FAM168A: variants seen among roughly 807,000 people sequenced by gnomAD.
The protein encoded by FAM168A is family with sequence similarity 168 member A.
In FAM168A, 3 loss-of-function variants were observed where a neutral mutation model predicts 28.5. The observed-to-expected ratio is 0.11, with a 90% CI of 0.05 to 0.27. The LOEUF is 0.27. FAM168A is among the 10% of genes least tolerant of loss of function. The probability of loss-of-function intolerance (pLI) is 1.00; values close to 1 mark genes in which losing one functional copy is unlikely to be tolerated. For missense variants in FAM168A, 222 were observed against 311.5 expected (o/e 0.71, Z 2.16); for synonymous variants, 122 against 124.2 (o/e 0.98, Z 0.12).
At chr11:73,444,029 G>A (rs1301264537) in intron 2 of FAM168A, among the ~76,000 whole-genome samples, 1 of 152,206 alleles carries the variant, frequency 6.6e-6, no homozygotes, top group Non-Finnish European at 1.5e-5. Flanking sequence ...AGCCATCATA[G>A]TCCAGTGGGA....
intron 1 of FAM168A, among the ~76,000 whole-genome samples, chr11:73,495,133 A>C (rs1258697426): frequency 6.6e-6 from 1 of 151,822 alleles, no homozygotes; most frequent in Non-Finnish European, 1.5e-5. Flanking sequence ...GACGTAAAAA[A>C]AAAAAAAAAA....
intron 1 of FAM168A, among the ~76,000 whole-genome samples, chr11:73,566,492 GA>G (rs1293071231): frequency 6.6e-6 from 1 of 152,132 alleles, no homozygotes; most frequent in Non-Finnish European, 1.5e-5. Context: ...AATCCACATG[GA>G]AAGACAATTA....
At chr11:73,416,622 T>G (rs1351153752) in intron 4 of FAM168A, among the ~76,000 whole-genome samples, 1 of 152,130 alleles carries the variant, frequency 6.6e-6, no homozygotes, top group African/African-American at 2.4e-5. Flanking sequence ...TTTTTGAGTA[T>G]GGGAGGGCCA....
chr11:73,432,437 G>C (rs965209403), intron 2 of FAM168A, among the ~76,000 whole-genome samples: 2 of 150,944 alleles, frequency 1.3e-5, no homozygotes, highest in African/African-American at 4.9e-5. Flanking sequence ...AACAACCCTT[G>C]TTTTATTATT....
At chr11:73,493,623 G>T (rs557356231) in intron 1 of FAM168A, among the ~76,000 whole-genome samples, 2 of 152,092 alleles carry the variant, frequency 1.3e-5, no homozygotes, top group Non-Finnish European at 2.9e-5. Flanking sequence ...TCACCATGTT[G>T]CCCAGGCGGT....
intron 1 of FAM168A, among the ~76,000 whole-genome samples, chr11:73,591,741 C>T (rs1944384515): frequency 6.6e-6 from 1 of 152,184 alleles, no homozygotes; most frequent in Non-Finnish European, 1.5e-5. Flanking sequence ...AACTCCTGGG[C>T]TCAAGCGATC....
intron 1 of FAM168A, among the ~76,000 whole-genome samples, chr11:73,539,949 T>C (rs1012982230): frequency 6.6e-6 from 1 of 152,204 alleles, no homozygotes; most frequent in African/African-American, 2.4e-5. Context: ...AGAGCTAGTA[T>C]CCAGTGATGA....
At chr11:73,539,284 T>C (rs913361192) in intron 1 of FAM168A, among the ~76,000 whole-genome samples, 1 of 152,174 alleles carries the variant, frequency 6.6e-6, no homozygotes, top group Non-Finnish European at 1.5e-5. Flanking sequence ...TATTTTTATT[T>C]TTTGAGACGG....
intron 1 of FAM168A, among the ~76,000 whole-genome samples, chr11:73,505,029 C>A (rs532200686): frequency 2.6e-5 from 4 of 151,582 alleles, no homozygotes; most frequent in African/African-American, 9.7e-5. Context: ...GGGAAGGGAA[C>A]TAAGAGTACG....
At chr11:73,511,381 C>T (rs982612742) in intron 1 of FAM168A, among the ~76,000 whole-genome samples, 1 of 152,042 alleles carries the variant, frequency 6.6e-6, no homozygotes, top group Admixed American at 6.6e-5. Context: ...AGACTACAGG[C>T]ACCGGCCACT....
At chr11:73,423,195 C>T (rs76846114) in intron 3 of FAM168A, among the ~76,000 whole-genome samples, 9,436 of 152,212 alleles carry the variant, frequency 0.062, 868 homozygotes, top group African/African-American at 0.2. Context: ...GTCCCCTCTT[C>T]CATCTCCAAA....
chr11:73,419,595 T>C (rs139863961), intron 4 of FAM168A, among the ~76,000 whole-genome samples: 3 of 152,228 alleles, frequency 2.0e-5, no homozygotes, highest in Non-Finnish European at 4.4e-5. Context: ...CCTTTCCCCC[T>C]AAAATGCAGT....
chr11:73,560,302 T>C (rs1403598563), intron 1 of FAM168A, among the ~76,000 whole-genome samples: 1 of 151,854 alleles, frequency 6.6e-6, no homozygotes, highest in African/African-American at 2.4e-5. Flanking sequence ...GCTTCAAGCA[T>C]TCCTCCCACC....
intron 1 of FAM168A, among the ~76,000 whole-genome samples, chr11:73,470,757 T>G (rs1867802952): frequency 6.6e-6 from 1 of 152,230 alleles, no homozygotes; most frequent in Non-Finnish European, 1.5e-5. Flanking sequence ...TTACCCAGTC[T>G]GTGGTATTCT....
At chr11:73,537,538 T>C (rs1943597696) in intron 1 of FAM168A, among the ~76,000 whole-genome samples, 1 of 152,170 alleles carries the variant, frequency 6.6e-6, no homozygotes, top group African/African-American at 2.4e-5. Context: ...AGCTATGTAC[T>C]AGCTGTTCCC....
chr11:73,453,702 G>A (rs1477776138), intron 2 of FAM168A, among the ~76,000 whole-genome samples: 1 of 152,120 alleles, frequency 6.6e-6, no homozygotes, highest in Non-Finnish European at 1.5e-5. Flanking sequence ...GTTTTTAGAG[G>A]CAGAGCCAGG....
intron 3 of FAM168A, among the ~76,000 whole-genome samples, chr11:73,428,703 C>T (rs1590766615): frequency 6.6e-6 from 1 of 152,154 alleles, no homozygotes; most frequent in Non-Finnish European, 1.5e-5. Flanking sequence ...ATTTCTGTAG[C>T]TTTTATTGTT....
At chr11:73,521,569 A>G (rs1017916688) in intron 1 of FAM168A, among the ~76,000 whole-genome samples, 1 of 152,168 alleles carries the variant, frequency 6.6e-6, no homozygotes, top group African/African-American at 2.4e-5. Flanking sequence ...AACTGCTCCT[A>G]ATTTCCTCTT....
chr11:73,409,387 C>A lies in FAM168A; in HGVS notation c.595+100G>T, dbSNP rs11235740. The A allele has an allele frequency of 0.011, 15,700 of 1,470,524 alleles. 1,019 individuals carry two copies. In the African/African-American group the frequency reaches 0.16, roughly 15 times the overall value. 91.1% of individuals were successfully genotyped at this position (1,470,524 alleles called of 1,614,324 possible). On this transcript the variant is annotated intron_variant, in intron 6 of 7. Coordinates refer to ENST00000356467, the MANE Select transcript of FAM168A (RefSeq NM_015159.3). Reference sequence around the variant, plus strand: ...GTTCCCAAGCCCCCTGGCACAGGATCTCTTGTGCTGTGCTGCAGCCAATTC... The same window carrying A: ...GTTCCCAAGCCCCCTGGCACAGGATATCTTGTGCTGTGCTGCAGCCAATTC...
Sources: gnomAD v4.1 joint callset for allele counts (sites outside exome capture counted in the v4.1 genomes callset) on GRCh38, gnomAD v4.1.1 for gene constraint, MANE v1.5 for transcripts, NCBI Gene and HGNC (gene_info 2026-07-23, HGNC 2026-07-21) for gene names.